The following ASTN2 variants were observed in gnomAD, a reference collection of about 807,000 sequenced individuals.
ASTN2 encodes astrotactin 2.
A neutral mutation model predicts 139.8 loss-of-function variants in ASTN2; 54 were observed. That is an observed-to-expected ratio of 0.39 (90% CI 0.31 to 0.48). The LOEUF (loss-of-function observed/expected upper bound fraction) is 0.48. ASTN2 is among the 20% of genes least tolerant of loss of function. The pLI is 0.95. For missense variants in ASTN2, 1,565 were observed against 1,725.1 expected (o/e 0.91, Z 1.64); for synonymous variants, 756 against 719.5 (o/e 1.05, Z -0.81).
chr9:117,064,204 A>G (rs1827864466), intron 5 of ASTN2, among the ~76,000 whole-genome samples: 1 of 152,036 alleles, frequency 6.6e-6, no homozygotes, highest in Admixed American at 6.6e-5. Context: ...TTAAAGATTA[A>G]CAGTGGTGTT....
chr9:117,122,480 G>C (rs999473662), intron 4 of ASTN2, among the ~76,000 whole-genome samples: 6 of 152,158 alleles, frequency 3.9e-5, no homozygotes, highest in Non-Finnish European at 7.3e-5. Flanking sequence ...AGCTTATTTT[G>C]AGGAGAGGTA....
intron 16 of ASTN2, among the ~76,000 whole-genome samples, chr9:116,655,034 A>G (rs556987699): frequency 6.6e-6 from 1 of 152,352 alleles, no homozygotes; most frequent in African/African-American, 2.4e-5. Context: ...GCAGTATAGA[A>G]TTTACAGCTG....
chr9:116,466,794 C>T (rs1172811717), intron 20 of ASTN2, among the ~76,000 whole-genome samples: 4 of 152,162 alleles, frequency 2.6e-5, no homozygotes, highest in Non-Finnish European at 5.9e-5. Context: ...TCCTTGTTCT[C>T]CCAAGCTTTT....
At chr9:116,893,159 TCACACACACACACACACACA>T (rs56263614) in intron 10 of ASTN2, among the ~76,000 whole-genome samples, 1 of 149,232 alleles carries the variant, frequency 6.7e-6, no homozygotes, top group Non-Finnish European at 1.5e-5. Flanking sequence ...TAAAGGTGTA[TCACACACACACACACACACA>T]CACACACACA....
chr9:116,698,026 T>C lies in ASTN2; in HGVS notation c.2806+27745A>G, dbSNP rs780885702. 6.8e-5 allele frequency: 110 copies of C among 1,613,936 alleles called. No individual in the cohort carries two copies. Among genetic ancestry groups the C allele is most frequent in the Non-Finnish European group, 9.2e-5 (109 of 1,180,040 alleles). ...GATACAGCTGGGCTCAGCGAGGCTG[T>C]GGGGCTGCTCATGTGTCGGTCCTGT... is the stretch of plus-strand genomic sequence containing the variant. On this transcript the variant is annotated intron_variant, in intron 16 of 22. Coordinates refer to ENST00000313400, the MANE Select transcript of ASTN2 (RefSeq NM_001365068.1). The surrounding 1 kb of genome is among the most constrained non-coding windows in gnomAD (Gnocchi z 4.4).
intron 19 of ASTN2, chr9:116,562,300 C>T (rs1252705105): frequency 6.6e-6 from 1 of 152,114 alleles, no homozygotes; most frequent in Admixed American, 6.5e-5. Context: ...TTTGATTAAC[C>T]AACGTTTTTC....
intron 16 of ASTN2, among the ~76,000 whole-genome samples, chr9:116,654,598 C>A (rs931355683): frequency 2.0e-5 from 3 of 152,004 alleles, no homozygotes; most frequent in Non-Finnish European, 4.4e-5. Context: ...TGATCTAGTA[C>A]AAATCTTCAC....
At chr9:116,490,322 G>A (rs1210602959) in intron 19 of ASTN2, among the ~76,000 whole-genome samples, 1 of 127,276 alleles carries the variant, frequency 7.9e-6, no homozygotes, top group African/African-American at 2.6e-5. Flanking sequence ...TGGTGGTGAG[G>A]GTGAGGGTAG....
intron 3 of ASTN2, among the ~76,000 whole-genome samples, chr9:117,208,757 C>T (rs549775945): frequency 6.6e-6 from 1 of 152,060 alleles, no homozygotes. Flanking sequence ...AGTCAGGTCA[C>T]ATAAAAGGGA....
chr9:116,674,581 A>T (rs980772695), intron 16 of ASTN2, among the ~76,000 whole-genome samples: 1 of 152,210 alleles, frequency 6.6e-6, no homozygotes, highest in Admixed American at 6.5e-5. Context: ...CTTTTTTGCT[A>T]TCAACTAAAG....
intron 11 of ASTN2, among the ~76,000 whole-genome samples, chr9:116,845,171 G>A (rs982767700): frequency 2.6e-5 from 4 of 152,190 alleles, no homozygotes; most frequent in African/African-American, 9.7e-5. Context: ...CTGGAGTGTG[G>A]TGGTGCGATC....
chr9:117,065,516 A>G (rs990215875), intron 5 of ASTN2, among the ~76,000 whole-genome samples: 1 of 152,144 alleles, frequency 6.6e-6, no homozygotes, highest in Non-Finnish European at 1.5e-5. Context: ...TCATTTCAGC[A>G]TCTGTAACTC....
intron 1 of ASTN2, among the ~76,000 whole-genome samples, chr9:117,358,964 C>T (rs147729195): frequency 6.6e-6 from 1 of 152,200 alleles, no homozygotes; most frequent in Non-Finnish European, 1.5e-5. Context: ...TCTCCAACAT[C>T]GGTGAATGGT....
intron 7 of ASTN2, among the ~76,000 whole-genome samples, chr9:117,002,184 G>A (rs927656221): frequency 5.6e-4 from 85 of 152,292 alleles, no homozygotes; most frequent in African/African-American, 1.9e-3. Context: ...TGGCCCTAAG[G>A]AGTTGACTTT....
At chr9:117,173,104 A>G (rs1192253699) in intron 3 of ASTN2, among the ~76,000 whole-genome samples, 1 of 152,198 alleles carries the variant, frequency 6.6e-6, no homozygotes, top group Non-Finnish European at 1.5e-5. Context: ...ACTAACTAGC[A>G]TAAAGGCAAA....
chr9:116,681,022 A>G (rs1263212735), intron 16 of ASTN2, among the ~76,000 whole-genome samples: 1 of 152,186 alleles, frequency 6.6e-6, no homozygotes, highest in Admixed American at 6.5e-5. Flanking sequence ...AGTTCTGGCC[A>G]GGGCAATTAG....
intron 13 of ASTN2, among the ~76,000 whole-genome samples, chr9:116,756,501 G>C (rs1216819884): frequency 6.6e-6 from 1 of 151,904 alleles, no homozygotes; most frequent in African/African-American, 2.4e-5. Context: ...ATTGTTTGTG[G>C]CTCTCCAGTA....
intron 10 of ASTN2, among the ~76,000 whole-genome samples, chr9:116,884,708 C>G (rs1020495247): frequency 1.3e-5 from 2 of 150,566 alleles, no homozygotes; most frequent in African/African-American, 4.9e-5. Flanking sequence ...TGCTAGCCAT[C>G]TTTGGCGTTT....
intron 3 of ASTN2, among the ~76,000 whole-genome samples, chr9:117,211,237 C>A (rs917653147): frequency 2.6e-5 from 4 of 152,082 alleles, no homozygotes; most frequent in Non-Finnish European, 4.4e-5. Flanking sequence ...AAGTCAAATT[C>A]TCTTATCTTA....
Sources: allele counts gnomAD v4.1 joint callset (sites outside exome capture counted in the v4.1 genomes callset), GRCh38; gene constraint gnomAD v4.1.1; non-coding constraint Gnocchi (gnomAD v3.1); transcripts MANE v1.5; gene names NCBI Gene and HGNC (gene_info 2026-07-23, HGNC 2026-07-21).